ROBO1: variants seen among roughly 807,000 people sequenced by gnomAD.
The protein encoded by ROBO1 is roundabout homolog 1.
ROBO1 carries 149 observed loss-of-function variants against 195.9 expected under a neutral mutation model. The ratio of observed to expected loss-of-function variants is 0.76; its 90% CI spans 0.67 to 0.87. The LOEUF is 0.87. ROBO1 is among the 40% of genes least tolerant of loss of function. ROBO1 has a pLI of 0.00. For synonymous variants in ROBO1, 816 were observed against 733.2 expected (o/e 1.11, Z -1.82); for missense variants, 1,933 against 2,068.3 (o/e 0.93, Z 1.27).
At chr3:78,817,126 A>C (rs2030102295) in intron 4 of ROBO1, among the ~76,000 whole-genome samples, 2 of 152,268 alleles carry the variant, frequency 1.3e-5, no homozygotes, top group Admixed American at 1.3e-4. Flanking sequence ...CTACAGAAAA[A>C]TCTTTAGGGG....
intron 2 of ROBO1, among the ~76,000 whole-genome samples, chr3:79,434,543 C>T (rs533146115): frequency 8.5e-4 from 128 of 150,064 alleles, no homozygotes; most frequent in African/African-American, 2.9e-3. Context: ...GTTAGAATGG[C>T]GATCATTAAA....
chr3:79,008,888 CGTGTGTGT>C (rs375134341), intron 3 of ROBO1, among the ~76,000 whole-genome samples: 58 of 121,268 alleles, frequency 4.8e-4, no homozygotes, highest in East Asian at 1.3e-3. Flanking sequence ...TGCACCCAGC[CGTGTGTGT>C]GTGTGTGTGT....
At position 79,560,535 on chromosome 3, in the gene ROBO1, T is replaced by TTATATATATATATATATATATATA. The variant is rs549034591; in HGVS notation, c.88+29265_88+29288dup. Among the ~76,000 whole-genome samples, 277 of 114,962 alleles carry TTATATATATATATATATATATATA rather than the reference T, an allele frequency of 2.4e-3. 5 individuals carry two copies. The highest frequency in any genetic ancestry group is 4.6e-3 in the Middle Eastern group (1 of 216). 75.4% of individuals were successfully genotyped at this position (114,962 alleles called of 152,430 possible). A position where few individuals can be genotyped will look rare whatever the true frequency, so the allele number is the denominator to read the frequency against. On this transcript the variant is annotated intron_variant, in intron 2 of 30. Transcript: ENST00000464233. ...AAAACTTAAAGTATAATAATAATAA[T>TTATATATATATATATATATATATA]TATATATATATATATATATATATAC... is the stretch of plus-strand genomic sequence containing the variant.
At chr3:79,541,565 A>G (rs1399037495) in intron 2 of ROBO1, among the ~76,000 whole-genome samples, 2 of 152,042 alleles carry the variant, frequency 1.3e-5, no homozygotes, top group African/African-American at 4.8e-5. Context: ...CTCCCTTCTT[A>G]AGGTAACTTG....
chr3:78,682,192 G>A (rs2080932057), intron 10 of ROBO1, among the ~76,000 whole-genome samples: 1 of 151,470 alleles, frequency 6.6e-6, no homozygotes, highest in Admixed American at 6.6e-5. Context: ...GCCCATTACT[G>A]CCAGTTCTGC....
chr3:79,024,626 C>A (rs2078168171), intron 3 of ROBO1, among the ~76,000 whole-genome samples: 1 of 152,098 alleles, frequency 6.6e-6, no homozygotes, highest in Non-Finnish European at 1.5e-5. Context: ...AAGGATTCCC[C>A]AAAGCTTTTA....
intron 2 of ROBO1, among the ~76,000 whole-genome samples, chr3:79,437,706 T>G (rs2107096677): frequency 6.6e-6 from 1 of 152,120 alleles, no homozygotes; most frequent in South Asian, 2.1e-4. Flanking sequence ...ACAGCAAAGC[T>G]AGTCTACTGT....
intron 2 of ROBO1, among the ~76,000 whole-genome samples, chr3:79,355,664 G>T (rs1396754081): frequency 6.6e-6 from 1 of 152,056 alleles, no homozygotes; most frequent in African/African-American, 2.4e-5. Flanking sequence ...TGCCCTATTT[G>T]TCTTTCTGTG....
At chr3:79,126,562 T>A (rs1305492367) in intron 2 of ROBO1, among the ~76,000 whole-genome samples, 2 of 152,094 alleles carry the variant, frequency 1.3e-5, no homozygotes, top group Non-Finnish European at 1.5e-5. Context: ...ACAGACACAA[T>A]AAAAAACAAG....
At chr3:79,151,862 G>A (rs116823547) in intron 2 of ROBO1, among the ~76,000 whole-genome samples, 2,707 of 151,658 alleles carry the variant, frequency 0.018, 80 homozygotes, top group African/African-American at 0.06. Flanking sequence ...CTCATCTTTC[G>A]GTCTCAACAA....
chr3:78,599,012 A>ATAATT, intron 30 of ROBO1, 85 bp from the exon 31 acceptor site: 1 of 749,696 alleles, frequency 1.3e-6, no homozygotes. Flanking sequence ...TATTATTATT[A>ATAATT]TAATTTAATG....
At chr3:78,995,165 T>C (rs1237349428) in intron 3 of ROBO1, among the ~76,000 whole-genome samples, 2 of 152,220 alleles carry the variant, frequency 1.3e-5, no homozygotes, top group Admixed American at 6.5e-5. Context: ...GTTGGGTAAC[T>C]GATGATATTC....
intron 3 of ROBO1, among the ~76,000 whole-genome samples, chr3:79,111,669 A>G (rs1168804071): frequency 7.2e-5 from 11 of 152,176 alleles, no homozygotes; most frequent in Non-Finnish European, 1.6e-4. Context: ...AACCTGGACA[A>G]TATCTACAGG....
At chr3:78,815,101 A>C (rs1171334358) in intron 4 of ROBO1, among the ~76,000 whole-genome samples, 1 of 152,092 alleles carries the variant, frequency 6.6e-6, no homozygotes, top group African/African-American at 2.4e-5. Flanking sequence ...ATTTGCCCTT[A>C]TCTCTTTCCT....
At chr3:78,853,545 C>A (rs1358997900) in intron 4 of ROBO1, among the ~76,000 whole-genome samples, 1 of 149,686 alleles carries the variant, frequency 6.7e-6, no homozygotes, top group Admixed American at 6.7e-5. Flanking sequence ...GCTATGGTAC[C>A]CAGTCATTTG....
chr3:79,767,921 T>A lies in ROBO1; in HGVS notation c.-220A>T, dbSNP rs1320224508. ...AGAGTGAAGTCGGGTTTCTTCTCTGTATCAGCACCCTGGAAAAATTCAATC... is the reference window on the plus strand; with the variant it reads ...AGAGTGAAGTCGGGTTTCTTCTCTGAATCAGCACCCTGGAAAAATTCAATC... On this transcript the variant is annotated 5_prime_UTR_variant, in exon 1 of 31. Transcript: ENST00000464233. The A allele has an allele frequency of 6.6e-6, 1 of 152,230 alleles. No individual in the cohort carries two copies. The highest frequency in any genetic ancestry group is 1.5e-5 in the Non-Finnish European group (1 of 68,058). The allele number at this position is 152,230 out of a possible 1,614,324, so 9.4% of individuals were successfully genotyped here. A position where few individuals can be genotyped will look rare whatever the true frequency, so the allele number is the denominator to read the frequency against.
At chr3:78,940,070 A>T (rs536068496) in intron 3 of ROBO1, among the ~76,000 whole-genome samples, 13 of 152,296 alleles carry the variant, frequency 8.5e-5, no homozygotes, top group African/African-American at 2.9e-4. Flanking sequence ...TTTATCAAAG[A>T]TTTCTCAAAT....
intron 1 of ROBO1, among the ~76,000 whole-genome samples, chr3:79,686,653 C>T (rs538205777): frequency 2.3e-4 from 35 of 152,254 alleles, no homozygotes; most frequent in African/African-American, 8.2e-4. Context: ...AGGAATCAAA[C>T]TTACAAGGGA....
chr3:78,967,311 G>T (rs2076668423), intron 3 of ROBO1, among the ~76,000 whole-genome samples: 1 of 151,884 alleles, frequency 6.6e-6, no homozygotes, highest in African/African-American at 2.4e-5. Flanking sequence ...ACCTGGCCAT[G>T]CTTTCCCACC....
Sources: gnomAD v4.1 joint callset for allele counts (sites outside exome capture counted in the v4.1 genomes callset) on GRCh38, gnomAD v4.1.1 for gene constraint, MANE v1.5 for transcripts, NCBI Gene and HGNC (gene_info 2026-07-23, HGNC 2026-07-21) for gene names.